The following MAGI2 variants were observed in gnomAD, a reference collection of about 807,000 sequenced individuals.
The protein encoded by MAGI2 is membrane associated guanylate kinase, WW and PDZ domain containing 2, also known as membrane-associated guanylate kinase, WW and PDZ domain-containing protein 2.
Under a neutral mutation model 133.3 loss-of-function variants are expected in MAGI2, and 35 were observed. The ratio of observed to expected loss-of-function variants is 0.26; its 90% confidence interval spans 0.20 to 0.35. The LOEUF (loss-of-function observed/expected upper bound fraction) is 0.35. MAGI2 is among the 10% of genes least tolerant of loss of function. The probability of loss-of-function intolerance (pLI) is 1.00; values close to 1 mark genes in which losing one functional copy is unlikely to be tolerated. For missense variants in MAGI2, 1,636 were observed against 1,863.4 expected, an observed-to-expected ratio of 0.88 and a Z score of 2.25; for synonymous variants, 729 against 710.6, an observed-to-expected ratio of 1.03 and a Z score of -0.41.
In MAGI2 at chr7:79,115,341, C is replaced by A. The variant is rs148332888; in HGVS notation, c.302-108135G>T. ...ACATTACCAAAGGAAAAATTTAAAA[C>A]AGAAATTCAATATTTAGCATTATTT... On this transcript the variant is annotated intron_variant, in intron 1 of 21. Transcript: ENST00000354212. 2.5e-3 allele frequency among the ~76,000 whole-genome samples: 376 copies of A among 152,228 alleles called. 2 individuals are homozygous for A. Among genetic ancestry groups the A allele is most frequent in the African/African-American group, 8.3e-3 (345 of 41,542 alleles).
chr7:78,396,956 T>C (rs1383921689), intron 6 of MAGI2, among the ~76,000 whole-genome samples: 1 of 152,098 alleles, frequency 6.6e-6, no homozygotes, highest in Non-Finnish European at 1.5e-5. Flanking sequence ...TAGTTGGAAA[T>C]TTAGCTTTTA....
chr7:78,773,579 C>A (rs1452220679), intron 2 of MAGI2, among the ~76,000 whole-genome samples: 1 of 151,970 alleles, frequency 6.6e-6, no homozygotes, highest in African/African-American at 2.4e-5. Flanking sequence ...AAACAGGTAC[C>A]CATTAACATG....
rs572322978 is a variant in MAGI2 at position 78,247,606 on chromosome 7, A to G, written c.2047+8337T>C. 1.1e-3 allele frequency among the ~76,000 whole-genome samples: 172 copies of G among 152,348 alleles called. 1 individual carries two copies. The highest frequency in any genetic ancestry group is 3.7e-3 in the African/African-American group (152 of 41,588). ...TTTAACAAAGAGATGGATATCTAAA[A>G]AAGAACCAATAGAAATCTTGGAGCT... On this transcript the variant is annotated intron_variant, in intron 10 of 21. Transcript: ENST00000354212.
intron 1 of MAGI2, among the ~76,000 whole-genome samples, chr7:79,264,204 G>A (rs924206173): frequency 6.6e-6 from 1 of 152,136 alleles, no homozygotes; most frequent in Non-Finnish European, 1.5e-5. Flanking sequence ...TGTGGTTTGT[G>A]GCTGCTGTTT....
intron 3 of MAGI2, among the ~76,000 whole-genome samples, chr7:78,561,563 T>G (rs1429505637): frequency 8.6e-5 from 13 of 151,416 alleles, no homozygotes; most frequent in Admixed American, 5.3e-4. Context: ...AAAAATAGAA[T>G]TAGGAAAGAA....
chr7:78,692,764 A>T (rs1817102275), intron 2 of MAGI2, among the ~76,000 whole-genome samples: 2 of 152,162 alleles, frequency 1.3e-5, no homozygotes, highest in Admixed American at 1.3e-4. Context: ...TAAATAGCAC[A>T]CGTATGAAGT....
intron 1 of MAGI2, among the ~76,000 whole-genome samples, chr7:79,392,976 C>A (rs902482162): frequency 1.3e-5 from 2 of 152,174 alleles, no homozygotes; most frequent in African/African-American, 4.8e-5. Context: ...CTTCCCTCCA[C>A]TCTCAGAAAT....
At chr7:78,558,228 CAG>C (rs1245140593) in intron 3 of MAGI2, among the ~76,000 whole-genome samples, 1 of 151,998 alleles carries the variant, frequency 6.6e-6, no homozygotes, top group Non-Finnish European at 1.5e-5. Context: ...TAAGGTGAAA[CAG>C]AGAACAAAGA....
chr7:78,268,260 G>C (rs1794210183), intron 9 of MAGI2, among the ~76,000 whole-genome samples: 1 of 151,906 alleles, frequency 6.6e-6, no homozygotes, highest in South Asian at 2.1e-4. Context: ...CCATGTGGTG[G>C]CATATTAATT....
intron 1 of MAGI2, among the ~76,000 whole-genome samples, chr7:79,097,658 A>AT (rs1817633743): frequency 1.3e-5 from 2 of 152,340 alleles, no homozygotes; most frequent in South Asian, 4.1e-4. Flanking sequence ...GAAGTACTGC[A>AT]TATAGGAAAA....
intron 3 of MAGI2, among the ~76,000 whole-genome samples, chr7:78,575,758 C>T (rs894478202): frequency 3.3e-5 from 5 of 152,052 alleles, no homozygotes; most frequent in Non-Finnish European, 7.4e-5. Flanking sequence ...AAATACTTGA[C>T]AAATACTCCT....
chr7:79,229,982 C>G (rs559391825), intron 1 of MAGI2, among the ~76,000 whole-genome samples: 187 of 129,092 alleles, frequency 1.4e-3, no homozygotes, highest in African/African-American at 5.3e-3. Flanking sequence ...GTGATATTCC[C>G]CTTCCTGTGT....
intron 1 of MAGI2, among the ~76,000 whole-genome samples, chr7:79,339,291 C>T (rs1840709454): frequency 6.6e-6 from 1 of 151,838 alleles, no homozygotes; most frequent in Admixed American, 6.6e-5. Context: ...TGTTTATTTA[C>T]TGTTTTGTAC....
At chr7:79,248,272 G>T (rs372335941) in intron 1 of MAGI2, among the ~76,000 whole-genome samples, 2 of 151,856 alleles carry the variant, frequency 1.3e-5, no homozygotes, top group South Asian at 2.1e-4. Context: ...AGACAAGGAA[G>T]GTCATTATAT....
In MAGI2 at chr7:78,019,883, G is replaced by A. The variant is rs1040061833; in HGVS notation, c.3800C>T (p.Pro1267Leu). The A allele has an allele frequency of 5.6e-6, 9 of 1,612,658 alleles. No homozygotes were observed. The African/African-American group carries it at 8.0e-5, about 14-fold the overall frequency. Reference protein sequence around the residue: ...SLDDGLAPFSPSHPAPPSDPS... With the variant: ...SLDDGLAPFSLSHPAPPSDPS... Reference sequence around the variant, plus strand: ...GTCGGAGGGTGGGGCTGGATGTGATGGAGAGAATGGAGCGAGGCCGTCGTC... The same window carrying A: ...GTCGGAGGGTGGGGCTGGATGTGATAGAGAGAATGGAGCGAGGCCGTCGTC... The change falls in exon 22 of 22, where the codon CCA (proline) becomes CTA (leucine). Residue 1267 changes from proline to leucine, a missense_variant. This residue lies in a region of MAGI2 where 354 missense variants were observed against 298.7 expected (regional missense o/e 1.19). Transcript: ENST00000354212.
chr7:79,381,197 T>TTTG (rs937079704), intron 1 of MAGI2, among the ~76,000 whole-genome samples: 4 of 151,678 alleles, frequency 2.6e-5, no homozygotes, highest in African/African-American at 4.8e-5. Flanking sequence ...ATCTCCTTTT[T>TTTG]TTGTTGTTGT....
intron 6 of MAGI2, among the ~76,000 whole-genome samples, chr7:78,445,898 T>C (rs1197335455): frequency 6.6e-6 from 1 of 151,866 alleles, no homozygotes; most frequent in African/African-American, 2.4e-5. Flanking sequence ...CTTTCATATA[T>C]TTGTTTCCTT....
chr7:78,077,488 G>C (rs186678990), intron 21 of MAGI2, among the ~76,000 whole-genome samples: 2 of 145,736 alleles, frequency 1.4e-5, no homozygotes, highest in East Asian at 2.0e-4. Context: ...CTTGGGCCTA[G>C]AGCCAGCCCT....
intron 1 of MAGI2, among the ~76,000 whole-genome samples, chr7:79,378,839 G>A (rs557638099): frequency 1.0e-4 from 15 of 148,638 alleles, no homozygotes; most frequent in African/African-American, 3.4e-4. Context: ...ATTGCTGCAT[G>A]ATCCCAGTGG....
Sources: gnomAD v4.1 joint callset for allele counts (sites outside exome capture counted in the v4.1 genomes callset) on GRCh38, gnomAD v4.1.1 for gene constraint, gnomAD v4.1.1 regional missense constraint, MANE v1.5 for transcripts, NCBI Gene and HGNC (gene_info 2026-07-23, HGNC 2026-07-21) for gene names.